ARHGAP26: variants seen among roughly 807,000 people sequenced by gnomAD.
ARHGAP26 encodes rho GTPase-activating protein 26.
ARHGAP26 carries 38 observed loss-of-function variants against 104.8 expected under a neutral mutation model. The observed-to-expected ratio is 0.36, with a 90% CI of 0.28 to 0.48. The LOEUF (loss-of-function observed/expected upper bound fraction) is 0.48. Among genes scored for constraint, ARHGAP26 ranks in the 20% least tolerant of loss-of-function variants. The pLI, the probability that ARHGAP26 is intolerant of heterozygous loss-of-function variation, is 0.99. For synonymous variants in ARHGAP26, 341 were observed against 340.0 expected, an observed-to-expected ratio of 1.00 and a Z score of -0.03; for missense variants, 704 against 947.9, an observed-to-expected ratio of 0.74 and a Z score of 3.38.
At chr5:142,994,211 G>T (rs1301847914) in intron 11 of ARHGAP26, among the ~76,000 whole-genome samples, 3 of 152,200 alleles carry the variant, frequency 2.0e-5, no homozygotes, top group Admixed American at 2.0e-4. Flanking sequence ...AGAGGAGCAC[G>T]TATAGGTAGG....
At position 142,870,591 on chromosome 5, in the gene ARHGAP26, T is replaced by C. The variant is rs967484958; in HGVS notation, c.155-2809T>C. Reference sequence around the variant, plus strand: ...CATGCTTACCTTTCCTGGTTCCTCTTACTGGAGGATTCATATATGAGGAAA... The same window carrying C: ...CATGCTTACCTTTCCTGGTTCCTCTCACTGGAGGATTCATATATGAGGAAA... On this transcript the variant is annotated intron_variant, in intron 1 of 22. Coordinates refer to ENST00000645722, the MANE Select transcript of ARHGAP26 (RefSeq NM_001135608.3). Among the ~76,000 whole-genome samples the C allele has an allele frequency of 1.2e-4, 19 of 152,332 alleles. 1 individual carries two copies. In the South Asian group the frequency reaches 1.4e-3, roughly 12 times the overall value.
intron 13 of ARHGAP26, among the ~76,000 whole-genome samples, chr5:143,039,586 T>A (rs1160264497): frequency 6.6e-6 from 1 of 151,048 alleles, no homozygotes; most frequent in African/African-American, 2.4e-5. Flanking sequence ...AGTTTAAAGG[T>A]AGAGGCACAA....
chr5:142,826,901 A>G (rs1767400792), intron 1 of ARHGAP26, among the ~76,000 whole-genome samples: 1 of 152,176 alleles, frequency 6.6e-6, no homozygotes, highest in Non-Finnish European at 1.5e-5. Flanking sequence ...CTTGAGCAAA[A>G]GCCAACATTT....
intron 18 of ARHGAP26, among the ~76,000 whole-genome samples, chr5:143,125,248 G>GTTGTT (rs1796596391): frequency 6.6e-6 from 1 of 152,094 alleles, no homozygotes; most frequent in South Asian, 2.1e-4. Flanking sequence ...CTGTCTTTCT[G>GTTGTT]TTGTTTTCCA....
At chr5:142,955,820 C>T (rs934827226) in intron 11 of ARHGAP26, among the ~76,000 whole-genome samples, 1 of 152,196 alleles carries the variant, frequency 6.6e-6, no homozygotes, top group African/African-American at 2.4e-5. Context: ...GGGTGCATCT[C>T]ATGCTGTCTC....
At chr5:142,795,385 A>G (rs1281804143) in intron 1 of ARHGAP26, among the ~76,000 whole-genome samples, 1 of 151,704 alleles carries the variant, frequency 6.6e-6, no homozygotes, top group Non-Finnish European at 1.5e-5. Context: ...AGGGAAGAAG[A>G]GGCCAAGCTC....
chr5:142,994,626 A>T (rs1776121901), intron 11 of ARHGAP26, among the ~76,000 whole-genome samples: 1 of 152,246 alleles, frequency 6.6e-6, no homozygotes, highest in South Asian at 2.1e-4. Context: ...CTGGAAGCAG[A>T]ATCCAGTTAT....
chr5:143,147,216 G>C lies in ARHGAP26; in HGVS notation c.1838-15G>C. ...CAATAATATTAATATGGGACTTGTG[G>C]CTTTTCCCCCCCAGAGGAACAAAGG... On this transcript the variant is annotated splice_polypyrimidine_tract_variant and intron_variant, in intron 19 of 22. Coordinates refer to ENST00000645722, the MANE Select transcript of ARHGAP26 (RefSeq NM_001135608.3). 1.2e-6 allele frequency: 2 copies of C among 1,612,604 alleles called. No individual in the cohort carries two copies. Among genetic ancestry groups the C allele is most frequent in the African/African-American group, 1.3e-5 (1 of 74,972 alleles).
Position 143,228,426 on chromosome 5 carries a change from AT to A in ARHGAP26, c.*5984del. The stretch of plus-strand genomic sequence containing the variant: ...TGATTAAAGATGTAAATTCAGTGCC[AT>A]TTTAAAACTGTTCATATTTATCAAA... On this transcript the variant is annotated 3_prime_UTR_variant, in exon 23 of 23. Coordinates refer to ENST00000645722, the MANE Select transcript of ARHGAP26 (RefSeq NM_001135608.3). The A allele has an allele frequency of 4.5e-6, 1 of 220,176 alleles. No individual in the cohort carries two copies. 13.6% of individuals were successfully genotyped at this position (220,176 alleles called of 1,614,324 possible).
At chr5:143,207,132 A>G in intron 20 of ARHGAP26, 66 bp from the exon 21 acceptor site, 1 of 1,565,914 alleles carries the variant, frequency 6.4e-7, no homozygotes, top group Non-Finnish European at 8.7e-7. Flanking sequence ...GCCTCCCATG[A>G]CCTCCTGTGC....
Position 143,041,663 on chromosome 5 carries a change from A to G in ARHGAP26, c.1211-153A>G, listed in dbSNP as rs1183677269. ...TACCAAATCCCACTCGTTTGCTAAG[A>G]GCTGAGCTGAGTGACAGGGGACTTT... On this transcript the variant is annotated intron_variant, in intron 13 of 22. Coordinates refer to ENST00000645722, the MANE Select transcript of ARHGAP26 (RefSeq NM_001135608.3). The G allele has an allele frequency of 4.8e-6, 3 of 626,862 alleles. No individual in the cohort carries two copies. In the African/African-American group the frequency reaches 5.6e-5, roughly 12 times the overall value. The allele number at this position is 626,862 out of a possible 1,614,324, so 38.8% of individuals were successfully genotyped here. A position where few individuals can be genotyped will look rare whatever the true frequency, so the allele number is the denominator to read the frequency against.
At chr5:142,869,479 G>A (rs1245217540) in intron 1 of ARHGAP26, among the ~76,000 whole-genome samples, 9 of 151,684 alleles carry the variant, frequency 5.9e-5, no homozygotes, top group South Asian at 2.1e-4. Flanking sequence ...TTGGCCTCCC[G>A]GAACTGTAAT....
intron 19 of ARHGAP26, among the ~76,000 whole-genome samples, chr5:143,137,653 A>G (rs1292421237): frequency 6.6e-6 from 1 of 152,074 alleles, no homozygotes; most frequent in South Asian, 2.1e-4. Context: ...GAGTCCAGTC[A>G]TTCTCCTTTT....
intron 11 of ARHGAP26, among the ~76,000 whole-genome samples, chr5:142,961,333 A>T (rs1770196977): frequency 6.6e-6 from 1 of 152,132 alleles, no homozygotes. Context: ...TCTACAAAAA[A>T]TACAAAAAAC....
chr5:143,096,051 A>G (rs369873309), intron 17 of ARHGAP26, among the ~76,000 whole-genome samples: 34 of 152,374 alleles, frequency 2.2e-4, no homozygotes, highest in African/African-American at 7.9e-4. Flanking sequence ...TTACAATGTG[A>G]AAAAATAAAA....
chr5:143,138,872 C>T (rs954283077), intron 19 of ARHGAP26, among the ~76,000 whole-genome samples: 5 of 152,168 alleles, frequency 3.3e-5, no homozygotes, highest in Admixed American at 2.0e-4. Flanking sequence ...AAATAGTGTA[C>T]GCTCAGGGTT....
intron 1 of ARHGAP26, among the ~76,000 whole-genome samples, chr5:142,806,364 G>A (rs1762982212): frequency 6.6e-6 from 1 of 152,098 alleles, no homozygotes; most frequent in African/African-American, 2.4e-5. Context: ...TACAGTGCTG[G>A]GATTACAGGC....
chr5:142,828,528 T>C (rs940097844), intron 1 of ARHGAP26, among the ~76,000 whole-genome samples: 3 of 152,244 alleles, frequency 2.0e-5, no homozygotes, highest in African/African-American at 7.2e-5. Flanking sequence ...GCATACATTA[T>C]TCTTTTCCCC....
intron 1 of ARHGAP26, among the ~76,000 whole-genome samples, chr5:142,851,927 T>C (rs1486060836): frequency 6.6e-6 from 1 of 152,228 alleles, no homozygotes; most frequent in Non-Finnish European, 1.5e-5. Flanking sequence ...GTCTGGCTAT[T>C]TCCAGGGTTC....
Sources: allele counts gnomAD v4.1 joint callset (sites outside exome capture counted in the v4.1 genomes callset), GRCh38; gene constraint gnomAD v4.1.1; transcripts MANE v1.5; gene names NCBI Gene and HGNC (gene_info 2026-07-23, HGNC 2026-07-21).